Variants in OLA1 observed in about 807,000 individuals in gnomAD.
The protein encoded by OLA1 is Obg like ATPase 1.
Under a neutral mutation model 48.4 loss-of-function variants are expected in OLA1, and 14 were observed. The ratio of observed to expected loss-of-function variants is 0.29; its 90% CI spans 0.19 to 0.45. The LOEUF (loss-of-function observed/expected upper bound fraction) is 0.45, where lower values mean the gene tolerates loss of function less well. OLA1 is among the 20% of genes least tolerant of loss of function. The pLI is 1.00. For synonymous variants in OLA1, 127 were observed against 150.4 expected (o/e 0.84, Z 1.14); for missense variants, 325 against 467.1 (o/e 0.70, Z 2.80).
chr2:174,224,561 G>A (rs1688575911), intron 3 of OLA1, among the ~76,000 whole-genome samples: 1 of 152,142 alleles, frequency 6.6e-6, no homozygotes, highest in Non-Finnish European at 1.5e-5. Flanking sequence ...GATGGCTTGA[G>A]CCCAGGAGTT....
At chr2:174,190,392 C>T (rs893941635) in intron 4 of OLA1, among the ~76,000 whole-genome samples, 1 of 152,052 alleles carries the variant, frequency 6.6e-6, no homozygotes, top group East Asian at 1.9e-4. Flanking sequence ...AAAATCATCT[C>T]CATTTCACAT....
Position 174,239,142 on chromosome 2 carries a change from T to A in OLA1, c.101+7573A>T, listed in dbSNP as rs187209778. ...TGTAGAAGAAATAAGGGATATTTTT[T>A]AATCACCATTTGGCAAACACCACAA... On this transcript the variant is annotated intron_variant, in intron 2 of 10. Transcript: ENST00000284719. Among the ~76,000 whole-genome samples the A allele has an allele frequency of 2.0e-3, 306 of 152,342 alleles. 2 individuals carry two copies. The highest frequency in any genetic ancestry group is 7.0e-3 in the African/African-American group (290 of 41,578).
intron 4 of OLA1, among the ~76,000 whole-genome samples, chr2:174,196,466 A>C (rs1032314708): frequency 2.5e-4 from 38 of 152,176 alleles, no homozygotes; most frequent in African/African-American, 8.9e-4. Context: ...TTTTTATGAA[A>C]CTGTCATTTT....
At chr2:174,117,651 A>C (rs1352974023) in intron 7 of OLA1, among the ~76,000 whole-genome samples, 4 of 152,160 alleles carry the variant, frequency 2.6e-5, no homozygotes, top group African/African-American at 4.8e-5. Context: ...AGAACGGTAG[A>C]GACAAATAAT....
At chr2:174,078,896 T>A in intron 10 of OLA1, 72 bp downstream of exon 10, 1 of 1,448,908 alleles carries the variant, frequency 6.9e-7, no homozygotes, top group Non-Finnish European at 9.4e-7. Context: ...ATAATTATCA[T>A]TCATTTTTAT....
chr2:174,140,922 T>G (rs575843901), intron 5 of OLA1, among the ~76,000 whole-genome samples: 3 of 151,806 alleles, frequency 2.0e-5, no homozygotes, highest in Non-Finnish European at 4.4e-5. Flanking sequence ...TATTTTATTT[T>G]TAAAAATATT....
intron 2 of OLA1, among the ~76,000 whole-genome samples, chr2:174,232,720 C>G (rs560130263): frequency 6.6e-6 from 1 of 152,202 alleles, no homozygotes; most frequent in Admixed American, 6.5e-5. Flanking sequence ...TAAGTGTTGG[C>G]AAGAGTACAG....
chr2:174,194,971 A>C (rs1334820870), intron 4 of OLA1, among the ~76,000 whole-genome samples: 1 of 152,054 alleles, frequency 6.6e-6, no homozygotes. Flanking sequence ...CTCTCTCTGC[A>C]ACTTTGAAAC....
At chr2:174,202,147 T>C (rs1243534853) in intron 4 of OLA1, among the ~76,000 whole-genome samples, 2 of 152,188 alleles carry the variant, frequency 1.3e-5, no homozygotes, top group African/African-American at 2.4e-5. Flanking sequence ...TAGTCTATCA[T>C]CTACTAACAT....
At chr2:174,232,564 C>T (rs1421654254) in intron 2 of OLA1, among the ~76,000 whole-genome samples, 4 of 152,124 alleles carry the variant, frequency 2.6e-5, no homozygotes, top group Non-Finnish European at 4.4e-5. Flanking sequence ...CTGTTCTCAA[C>T]AGATTATTTC....
chr2:174,173,291 A>C (rs1687348485), intron 4 of OLA1, among the ~76,000 whole-genome samples: 1 of 150,192 alleles, frequency 6.7e-6, no homozygotes, highest in South Asian at 2.2e-4. Flanking sequence ...CAGCAATAAG[A>C]AATTAACAAA....
chr2:174,088,576 A>G (rs1473632314), intron 7 of OLA1, among the ~76,000 whole-genome samples: 1 of 152,222 alleles, frequency 6.6e-6, no homozygotes, highest in African/African-American at 2.4e-5. Context: ...ACACATCTTT[A>G]CTTTTATTTT....
At chr2:174,206,117 C>G (rs1369430376) in intron 4 of OLA1, among the ~76,000 whole-genome samples, 1 of 152,244 alleles carries the variant, frequency 6.6e-6, no homozygotes, top group Non-Finnish European at 1.5e-5. Context: ...AAATGCTCAA[C>G]TGATTTCATT....
At chr2:174,096,498 T>C (rs1685258925) in intron 7 of OLA1, among the ~76,000 whole-genome samples, 1 of 152,192 alleles carries the variant, frequency 6.6e-6, no homozygotes, top group Admixed American at 6.5e-5. Context: ...AATGCTAATA[T>C]TCCCCACATT....
intron 10 of OLA1, among the ~76,000 whole-genome samples, chr2:174,075,904 T>C (rs1684724789): frequency 6.6e-6 from 1 of 152,194 alleles, no homozygotes. Flanking sequence ...AAAAAGACTA[T>C]ATAACTAGTT....
At chr2:174,159,108 T>C (rs1450489243) in intron 4 of OLA1, among the ~76,000 whole-genome samples, 1 of 152,198 alleles carries the variant, frequency 6.6e-6, no homozygotes. Context: ...TTTGGCTTTT[T>C]CTTTTTTCAA....
chr2:174,247,615 T>C (rs977302475), intron 1 of OLA1: 2 of 1,548,688 alleles, frequency 1.3e-6, no homozygotes, highest in African/African-American at 2.7e-5. Context: ...TAATCTGGAA[T>C]CTTATCTTTC....
intron 4 of OLA1, among the ~76,000 whole-genome samples, chr2:174,222,622 C>G (rs1688533339): frequency 6.6e-6 from 1 of 152,118 alleles, no homozygotes; most frequent in Non-Finnish European, 1.5e-5. Flanking sequence ...TAATAGATAA[C>G]CCAGAAGCCT....
At chr2:174,173,619 A>G (rs1687356160) in intron 4 of OLA1, among the ~76,000 whole-genome samples, 1 of 152,110 alleles carries the variant, frequency 6.6e-6, no homozygotes, top group Admixed American at 6.5e-5. Context: ...TAATTTGAAA[A>G]TACCCAAATA....
Sources: allele counts gnomAD v4.1 joint callset (sites outside exome capture counted in the v4.1 genomes callset), GRCh38; gene constraint gnomAD v4.1.1; transcripts MANE v1.5; gene names NCBI Gene and HGNC (gene_info 2026-07-23, HGNC 2026-07-21).